Variants in FHIP2A observed in about 807,000 individuals in gnomAD.
FHIP2A encodes the protein family with sequence similarity 160 member B1.
In FHIP2A, 46 loss-of-function variants were observed where a neutral mutation model predicts 93.5. The ratio of observed to expected loss-of-function variants is 0.49; its 90% confidence interval spans 0.39 to 0.63. The LOEUF is 0.63. Ranked by LOEUF, FHIP2A falls within the 20% of genes least tolerant of loss-of-function variation. FHIP2A has a pLI of 0.00. For synonymous variants in FHIP2A, 332 were observed against 326.5 expected, an observed-to-expected ratio of 1.02 and a Z score of -0.18; for missense variants, 769 against 909.7, an observed-to-expected ratio of 0.85 and a Z score of 1.99.
rs959507671 is a variant in FHIP2A, at chr10:114,870,958, G to A, written c.2192+9624G>A. Among the ~76,000 whole-genome samples the A allele has an allele frequency of 4.6e-5, 7 of 151,816 alleles. No individual in the cohort carries two copies. The East Asian group carries it at 7.7e-4, about 17-fold the overall frequency. On this transcript the variant is annotated intron_variant, in intron 16 of 16. Transcript: ENST00000369250. ...AAAGAAGCAACTTCCTTCCTTTGAC[G>A]TTATTGTTCCTATCTGTATCACCTC...
At chr10:114,890,689 T>C (rs2083967803) in intron 16 of FHIP2A, among the ~76,000 whole-genome samples, 1 of 147,566 alleles carries the variant, frequency 6.8e-6, no homozygotes, top group Admixed American at 6.8e-5. Context: ...TGACATATAG[T>C]ATATAAAATA....
rs553004238 is a variant in FHIP2A at position 114,862,949 on chromosome 10, G to A, written c.*1409G>A. 3 of 985,378 alleles carry A rather than the reference G, an allele frequency of 3.0e-6. No individual in the cohort carries two copies. The highest frequency in any genetic ancestry group is 3.5e-5 in the African/African-American group (2 of 57,338). 61.0% of individuals were successfully genotyped at this position (985,378 alleles called of 1,614,324 possible). ...ACGCATTGTGTGGCATGTGCATAGA[G>A]GCTTGTTTTACACCTATCTGCTCAT... is the stretch of plus-strand genomic sequence containing the variant. On this transcript the variant is annotated 3_prime_UTR_variant, in exon 17 of 17. Coordinates refer to ENST00000369248, the MANE Select transcript of FHIP2A (RefSeq NM_020940.4).
rs2083799200 is a variant in FHIP2A, at chr10:114,861,447, C to A, written c.2205C>A (p.Ile735=). ...TTTTCCTTACCAGTATTGACCACAT[C>A]ACACTGCTAGAGGGTGTGATTGTGT... ...LEPEGPIIDH[I]TLLEGVIVLE... Residue 735 remains isoleucine, a synonymous_variant, in exon 17 of 17, where the codon ATC becomes ATA. Coordinates refer to ENST00000369248, the MANE Select transcript of FHIP2A (RefSeq NM_020940.4). 5 of 1,614,076 alleles carry A rather than the reference C, an allele frequency of 3.1e-6. No homozygotes were observed. The South Asian group carries it at 5.5e-5, about 18-fold the overall frequency.
chr10:114,871,935 A>G (rs61868022), intron 16 of FHIP2A, among the ~76,000 whole-genome samples: 171 of 152,316 alleles, frequency 1.1e-3, no homozygotes, highest in Non-Finnish European at 1.8e-3. Context: ...TATTGACTCA[A>G]CTAAGAAAAC....
At chr10:114,895,556 G>A (rs1178761812) in intron 16 of FHIP2A, among the ~76,000 whole-genome samples, 1 of 152,178 alleles carries the variant, frequency 6.6e-6, no homozygotes, top group African/African-American at 2.4e-5. Context: ...ATCTGCTGGA[G>A]TTTACGTAGT....
intron 2 of FHIP2A, among the ~76,000 whole-genome samples, chr10:114,831,444 C>T (rs895314252): frequency 2.8e-4 from 43 of 152,114 alleles, no homozygotes; most frequent in African/African-American, 1.0e-3. Flanking sequence ...TTCACAAACC[C>T]TCAGGCCAGA....
chr10:114,893,175 G>T lies in FHIP2A; in HGVS notation c.2193-6315G>T, dbSNP rs937542942. Among the ~76,000 whole-genome samples, 9 of 152,106 alleles carry T rather than the reference G, an allele frequency of 5.9e-5. No individual in the cohort carries two copies. In the East Asian group the frequency reaches 1.7e-3, roughly 29 times the overall value. On this transcript the variant is annotated intron_variant, in intron 16 of 16. Transcript: ENST00000369250. ...TCAAAGATTATTAGCATAGTCTCTG[G>T]AGCATTATTTATAATAGGGGAAATA...
intron 16 of FHIP2A, among the ~76,000 whole-genome samples, chr10:114,877,308 C>T (rs982370645): frequency 1.3e-5 from 2 of 152,110 alleles, no homozygotes; most frequent in Admixed American, 1.3e-4. Flanking sequence ...AGGTCAAGCA[C>T]GAGTTTCCAA....
At chr10:114,822,676 G>A (rs1025712989) in intron 1 of FHIP2A, among the ~76,000 whole-genome samples, 1 of 152,222 alleles carries the variant, frequency 6.6e-6, no homozygotes, top group African/African-American at 2.4e-5. Context: ...CCAGCCCCCG[G>A]GTTGCTGGCT....
intron 5 of FHIP2A, among the ~76,000 whole-genome samples, chr10:114,840,917 G>A (rs2083664857): frequency 6.6e-6 from 1 of 152,176 alleles, no homozygotes. Context: ...GAAGCTATGT[G>A]TGTGACTATG....
At position 114,830,945 on chromosome 10, in the gene FHIP2A, T is replaced by C; in HGVS notation, c.124+15T>C. Reference sequence around the variant, plus strand: ...AGAGACTTCAGGTAAGGAACAATGCTGATATTAACTGAAAATTTGTGAAAG... The same window carrying C: ...AGAGACTTCAGGTAAGGAACAATGCCGATATTAACTGAAAATTTGTGAAAG... On this transcript the variant is annotated intron_variant, in intron 2 of 16. Coordinates refer to ENST00000369248, the MANE Select transcript of FHIP2A (RefSeq NM_020940.4). The C allele has an allele frequency of 1.4e-6, 2 of 1,427,824 alleles. No homozygotes were observed. Among genetic ancestry groups the C allele is most frequent in the East Asian group, 2.4e-5 (1 of 41,256 alleles). The allele number at this position is 1,427,824 out of a possible 1,614,324, so 88.4% of individuals were successfully genotyped here.
intron 16 of FHIP2A, among the ~76,000 whole-genome samples, chr10:114,878,715 G>C (rs1445949048): frequency 1.3e-5 from 2 of 151,516 alleles, no homozygotes; most frequent in Non-Finnish European, 2.9e-5. Flanking sequence ...GGGAGGCAGA[G>C]GTTGCAGTGA....
chr10:114,855,091 A>G (rs1353404352), intron 13 of FHIP2A, 106 bp from the exon 14 acceptor site: 2 of 1,185,092 alleles, frequency 1.7e-6, no homozygotes, highest in East Asian at 2.5e-5. Context: ...CATAGCAGAC[A>G]TTCTGCATTC....
At chr10:114,825,255 G>A (rs1206649640) in intron 1 of FHIP2A, among the ~76,000 whole-genome samples, 1 of 152,036 alleles carries the variant, frequency 6.6e-6, no homozygotes, top group Non-Finnish European at 1.5e-5. Context: ...CACATTTTTG[G>A]GCTTGAGTGA....
At chr10:114,854,137 G>GT (rs758227621) in intron 13 of FHIP2A, among the ~76,000 whole-genome samples, 4,514 of 137,958 alleles carry the variant, frequency 0.033, 196 homozygotes, top group African/African-American at 0.1. Flanking sequence ...AAAGACCAGG[G>GT]TTTTTTTTTT....
At chr10:114,845,966 C>T (rs989411364) in intron 8 of FHIP2A, 47 bp from the exon 9 acceptor site, 1 of 1,421,426 alleles carries the variant, frequency 7.0e-7, no homozygotes, top group Non-Finnish European at 9.8e-7. Flanking sequence ...ACAAATTAGT[C>T]TTTCTTTTAT....
chr10:114,849,825 A>G (rs1022715497), intron 13 of FHIP2A, among the ~76,000 whole-genome samples: 1 of 152,068 alleles, frequency 6.6e-6, no homozygotes, highest in East Asian at 1.9e-4. Flanking sequence ...TTTTGTCTCT[A>G]TGACTTTGCC....
intron 13 of FHIP2A, among the ~76,000 whole-genome samples, chr10:114,853,640 C>A (rs969622179): frequency 1.3e-4 from 20 of 152,096 alleles, no homozygotes; most frequent in African/African-American, 4.8e-4. Flanking sequence ...ATTAGAAAAA[C>A]CAAAAGCTAT....
intron 13 of FHIP2A, among the ~76,000 whole-genome samples, chr10:114,854,229 A>T (rs1425390977): frequency 6.6e-6 from 1 of 151,310 alleles, no homozygotes; most frequent in Non-Finnish European, 1.5e-5. Context: ...GTGGTGGCTC[A>T]TGCCTGTAAT....
Sources: allele counts gnomAD v4.1 joint callset (sites outside exome capture counted in the v4.1 genomes callset), GRCh38; gene constraint gnomAD v4.1.1; transcripts MANE v1.5; gene names NCBI Gene and HGNC (gene_info 2026-07-23, HGNC 2026-07-21).